Variants in STXBP5L observed in about 807,000 individuals in gnomAD.
The protein encoded by STXBP5L is syntaxin binding protein 5L, also known as syntaxin-binding protein 5-like.
Under a neutral mutation model 144.5 loss-of-function variants are expected in STXBP5L, and 65 were observed. The ratio of observed to expected loss-of-function variants is 0.45; its 90% CI spans 0.37 to 0.55. The LOEUF is 0.55. Ranked by LOEUF, STXBP5L falls within the 20% of genes least tolerant of loss-of-function variation. STXBP5L has a pLI of 0.00. For synonymous variants in STXBP5L, 505 were observed against 469.6 expected (o/e 1.08, Z -0.97); for missense variants, 1,298 against 1,405.5 (o/e 0.92, Z 1.22).
intron 2 of STXBP5L, among the ~76,000 whole-genome samples, chr3:120,930,905 A>G (rs188517768): frequency 8.1e-4 from 124 of 152,258 alleles, no homozygotes; most frequent in African/African-American, 2.7e-3. Context: ...TAGGATTTAT[A>G]ACTGGGATAA....
At chr3:121,344,199 T>C (rs979606576) in intron 20 of STXBP5L, among the ~76,000 whole-genome samples, 4 of 152,074 alleles carry the variant, frequency 2.6e-5, no homozygotes, top group Non-Finnish European at 2.9e-5. Context: ...TAGCCATATG[T>C]AGAAAGCTGA....
In STXBP5L at chr3:121,293,152, T is replaced by C. The variant is rs538063262; in HGVS notation, c.2110+13196T>C. Among the ~76,000 whole-genome samples the C allele has an allele frequency of 2.2e-4, 33 of 152,318 alleles. No homozygotes were observed. The East Asian group carries it at 6.2e-3, about 29-fold the overall frequency. On this transcript the variant is annotated intron_variant, in intron 19 of 26. Transcript: ENST00000471454. ...CTCCGCAATAAAAAAGAATATACTA[T>C]TGATAACTACTACAACATGGATGAA...
chr3:121,191,687 A>G (rs2047691277), intron 9 of STXBP5L, among the ~76,000 whole-genome samples: 1 of 152,158 alleles, frequency 6.6e-6, no homozygotes, highest in Non-Finnish European at 1.5e-5. Flanking sequence ...CATTTGAAGA[A>G]TTCTCCAACC....
intron 9 of STXBP5L, among the ~76,000 whole-genome samples, chr3:121,169,614 T>C (rs956817781): frequency 4.6e-5 from 7 of 152,132 alleles, no homozygotes; most frequent in Admixed American, 3.9e-4. Context: ...CATTACATAA[T>C]GGTAAAGGAA....
chr3:120,927,181 C>T (rs1028836792), intron 2 of STXBP5L, among the ~76,000 whole-genome samples: 7 of 152,156 alleles, frequency 4.6e-5, no homozygotes, highest in Non-Finnish European at 1.0e-4. Context: ...ATGATCCACC[C>T]ACCTTGGCCT....
chr3:121,417,097 T>C (rs1299061310), intron 25 of STXBP5L, among the ~76,000 whole-genome samples: 1 of 152,142 alleles, frequency 6.6e-6, no homozygotes, highest in Non-Finnish European at 1.5e-5. Context: ...ATTCCATTTA[T>C]ATAAAAGGTC....
intron 18 of STXBP5L, among the ~76,000 whole-genome samples, chr3:121,278,185 GA>G (rs1434145330): frequency 6.6e-6 from 1 of 151,900 alleles, no homozygotes; most frequent in East Asian, 1.9e-4. Context: ...CACTAACACA[GA>G]ACATTTGTGA....
intron 20 of STXBP5L, among the ~76,000 whole-genome samples, chr3:121,319,930 C>G (rs2043914260): frequency 6.6e-6 from 1 of 151,924 alleles, no homozygotes; most frequent in African/African-American, 2.4e-5. Flanking sequence ...CCAGCCTGGG[C>G]AACATAGTGA....
intron 5 of STXBP5L, among the ~76,000 whole-genome samples, chr3:121,066,730 T>TATGAA (rs374172198): frequency 2.4e-4 from 37 of 152,152 alleles, no homozygotes; most frequent in African/African-American, 8.9e-4. Flanking sequence ...ATGTCGACTT[T>TATGAA]ATGAAATGAA....
chr3:121,172,505 C>T (rs999350238), intron 9 of STXBP5L, among the ~76,000 whole-genome samples: 2 of 152,132 alleles, frequency 1.3e-5, no homozygotes, highest in African/African-American at 4.8e-5. Flanking sequence ...ACAACCCCAT[C>T]AAAAAGTGGG....
In STXBP5L at chr3:120,947,168, C is replaced by T. The variant is rs142927547; in HGVS notation, c.190-7772C>T. Among the ~76,000 whole-genome samples the T allele has an allele frequency of 2.6e-3, 395 of 151,898 alleles. 4 individuals carry two copies. Among genetic ancestry groups the T allele is most frequent in the African/African-American group, 8.9e-3 (368 of 41,526 alleles). ...TATTAAGAAATTCACTTATTTTTTA[C>T]TAGCTTTGCTACCATTATCTTACTT... On this transcript the variant is annotated intron_variant, in intron 2 of 26. Coordinates refer to ENST00000471454, the MANE Select transcript of STXBP5L (RefSeq NM_001308330.2).
chr3:121,095,859 A>T (rs1330354099), intron 5 of STXBP5L, among the ~76,000 whole-genome samples: 1 of 152,074 alleles, frequency 6.6e-6, no homozygotes, highest in African/African-American at 2.4e-5. Context: ...GGGGAGAGGC[A>T]CTGTGATTTT....
rs1342503171 is a variant in STXBP5L at position 121,038,162 on chromosome 3, ATTG to A, written c.288-3535_288-3533del. ...ATTGATTTATCTGATCATCTTTATT[ATTG>A]TTCTCCTTTTTTCTGGTTTTGAAAT... On this transcript the variant is annotated intron_variant, in intron 3 of 26. Transcript: ENST00000471454. Among the ~76,000 whole-genome samples, 5 of 151,454 alleles carry A rather than the reference ATTG, an allele frequency of 3.3e-5. No homozygotes were observed. The South Asian group carries it at 6.2e-4, about 19-fold the overall frequency.
At chr3:121,411,855 G>A (rs2047121348) in intron 23 of STXBP5L, among the ~76,000 whole-genome samples, 1 of 152,118 alleles carries the variant, frequency 6.6e-6, no homozygotes, top group East Asian at 1.9e-4. Context: ...TTGCCTTAAA[G>A]AAAGACAATA....
intron 19 of STXBP5L, among the ~76,000 whole-genome samples, chr3:121,293,517 G>A (rs1236645995): frequency 6.6e-6 from 1 of 152,068 alleles, no homozygotes; most frequent in Non-Finnish European, 1.5e-5. Context: ...AAGAACTAAC[G>A]CAAAGAAGAG....
At chr3:121,390,228 T>C (rs533462629) in intron 22 of STXBP5L, among the ~76,000 whole-genome samples, 18 of 152,332 alleles carry the variant, frequency 1.2e-4, no homozygotes, top group Non-Finnish European at 2.4e-4. Context: ...TTTTTTGCTT[T>C]CTATTTGCTT....
intron 19 of STXBP5L, among the ~76,000 whole-genome samples, chr3:121,288,641 T>C (rs2051312079): frequency 6.6e-6 from 1 of 152,234 alleles, no homozygotes; most frequent in South Asian, 2.1e-4. Flanking sequence ...GTGTGTCTTC[T>C]TTAGAAAGGT....
At chr3:121,117,826 T>C (rs1203848867) in intron 6 of STXBP5L, among the ~76,000 whole-genome samples, 1 of 151,758 alleles carries the variant, frequency 6.6e-6, no homozygotes, top group East Asian at 1.9e-4. Context: ...ATATTGGTTA[T>C]TTGGAACCTG....
chr3:120,991,516 A>G (rs1326004266), intron 3 of STXBP5L, among the ~76,000 whole-genome samples: 2 of 152,364 alleles, frequency 1.3e-5, no homozygotes, highest in East Asian at 3.9e-4. Context: ...ATGCTACTAT[A>G]AAGACACATG....
Sources: allele counts gnomAD v4.1 joint callset (sites outside exome capture counted in the v4.1 genomes callset), GRCh38; gene constraint gnomAD v4.1.1; transcripts MANE v1.5; gene names NCBI Gene and HGNC (gene_info 2026-07-23, HGNC 2026-07-21).